The following CNPY1 variants were observed in gnomAD, a reference collection of about 807,000 sequenced individuals.
CNPY1 encodes canopy FGF signaling regulator 1.
In CNPY1, 14 loss-of-function variants were observed where a neutral mutation model predicts 14.4. The ratio of observed to expected loss-of-function variants is 0.97; its 90% CI spans 0.64 to 1.52. The LOEUF (loss-of-function observed/expected upper bound fraction) is 1.52, where lower values mean the gene tolerates loss of function less well. Ranked by LOEUF, CNPY1 falls within the 40% of genes most tolerant of loss-of-function variation. The pLI, the probability that CNPY1 is intolerant of heterozygous loss-of-function variation, is 0.00. For synonymous variants in CNPY1, 43 were observed against 46.5 expected (o/e 0.92, Z 0.31); for missense variants, 129 against 131.5 (o/e 0.98, Z 0.09).
chr7:155,525,460 C>G (rs958920441), intron 2 of CNPY1, among the ~76,000 whole-genome samples: 4 of 142,814 alleles, frequency 2.8e-5, no homozygotes, highest in African/African-American at 9.7e-5. Context: ...TGAGCCACCA[C>G]ACCCAGCTCA....
intron 2 of CNPY1, 124 bp downstream of exon 2, chr7:155,545,707 T>G (rs1797149637): frequency 2.5e-6 from 1 of 393,396 alleles, no homozygotes; most frequent in South Asian, 1.4e-4. Flanking sequence ...TCAGAAGCAA[T>G]TTAGAGCTGA....
chr7:155,533,320 G>A (rs1173843575), intron 2 of CNPY1, among the ~76,000 whole-genome samples: 1 of 152,200 alleles, frequency 6.6e-6, no homozygotes, highest in African/African-American at 2.4e-5. Context: ...CGGATGTGCC[G>A]GCTCGGAACA....
chr7:155,522,721 C>T (rs977667770), intron 2 of CNPY1, among the ~76,000 whole-genome samples: 1 of 152,244 alleles, frequency 6.6e-6, no homozygotes, highest in Non-Finnish European at 1.5e-5. Context: ...TCTACACCAC[C>T]ATGCACACTC....
intron 3 of CNPY1, 24 bp from the exon 4 acceptor site, chr7:155,507,140 A>C: frequency 1.4e-6 from 2 of 1,411,478 alleles, no homozygotes; most frequent in Non-Finnish European, 2.0e-6. Context: ...ATAACAACAT[A>C]TGTGGATAGA....
chr7:155,542,763 C>T (rs1353417754), intron 2 of CNPY1, among the ~76,000 whole-genome samples: 5 of 152,240 alleles, frequency 3.3e-5, no homozygotes, highest in African/African-American at 4.8e-5. Flanking sequence ...GGCAGAGGCC[C>T]GCCTGCGGCC....
chr7:155,534,022 GGGAAA>G, intron 2 of CNPY1, among the ~76,000 whole-genome samples: 1 of 152,184 alleles, frequency 6.6e-6, no homozygotes, highest in Admixed American at 6.5e-5. Context: ...GAAGCCCGGG[GGGAAA>G]GGTCCCCCTG....
Position 155,503,051 on chromosome 7 carries a change from C to A in CNPY1, c.*17G>T. The A allele has an allele frequency of 6.2e-7, 1 of 1,608,172 alleles. No individual in the cohort carries two copies. The highest frequency in any genetic ancestry group is 2.2e-5 in the East Asian group (1 of 44,814). The stretch of plus-strand genomic sequence containing the variant: ...GGTGTGACTTTACTCCTCTCTACGA[C>A]CAGCAGAACGGCACTCCTAGAGCTC... On this transcript the variant is annotated 3_prime_UTR_variant, in exon 5 of 5. Coordinates refer to ENST00000636446, the MANE Select transcript of CNPY1 (RefSeq NM_001393663.1).
At chr7:155,533,221 G>A (rs574131868) in intron 2 of CNPY1, among the ~76,000 whole-genome samples, 2 of 152,314 alleles carry the variant, frequency 1.3e-5, no homozygotes, top group Non-Finnish European at 2.9e-5. Context: ...CCCACTCCGC[G>A]CCCGACGGGA....
intron 2 of CNPY1, among the ~76,000 whole-genome samples, chr7:155,523,338 T>C (rs1287013225): frequency 1.3e-5 from 2 of 152,184 alleles, no homozygotes; most frequent in African/African-American, 2.4e-5. Flanking sequence ...CATTCAGCCA[T>C]GCACGGGTCG....
intron 2 of CNPY1, among the ~76,000 whole-genome samples, chr7:155,514,763 G>A (rs1012995506): frequency 2.0e-5 from 3 of 152,034 alleles, no homozygotes; most frequent in African/African-American, 7.2e-5. Flanking sequence ...GTGTGGTGGT[G>A]CATGCCTGTC....
rs1319845463 is a variant in CNPY1 at position 155,502,302 on chromosome 7, A to G, written c.*766T>C. On this transcript the variant is annotated 3_prime_UTR_variant, in exon 5 of 5. Coordinates refer to ENST00000636446, the MANE Select transcript of CNPY1 (RefSeq NM_001393663.1). ...ACACTAAATGTGAGCCAAAAAAAAAACGTTTAGAAGAAAAACAAACAAGCC... is the reference window on the plus strand; with the variant it reads ...ACACTAAATGTGAGCCAAAAAAAAAGCGTTTAGAAGAAAAACAAACAAGCC... The G allele has an allele frequency of 6.7e-6, 1 of 148,244 alleles. No homozygotes were observed. Among genetic ancestry groups the G allele is most frequent in the Non-Finnish European group, 1.5e-5 (1 of 66,942 alleles). 9.2% of individuals were successfully genotyped at this position (148,244 alleles called of 1,614,324 possible). A position where few individuals can be genotyped will look rare whatever the true frequency, so the allele number is the denominator to read the frequency against.
At position 155,502,964 on chromosome 7, in the gene CNPY1, G is replaced by A. The variant is rs1260719990; in HGVS notation, c.*104C>T. On this transcript the variant is annotated 3_prime_UTR_variant, in exon 5 of 5. Coordinates refer to ENST00000636446, the MANE Select transcript of CNPY1 (RefSeq NM_001393663.1). ...GGAGACAAACACGGTATAAACAAGA[G>A]ACAAAATTTTTCTTATCATGAAAGA... 4 of 1,028,436 alleles carry A rather than the reference G, an allele frequency of 3.9e-6. No homozygotes were observed. Among genetic ancestry groups the A allele is most frequent in the Non-Finnish European group, 5.8e-6 (4 of 688,168 alleles). The allele number at this position is 1,028,436 out of a possible 1,614,324, so 63.7% of individuals were successfully genotyped here. A position where few individuals can be genotyped will look rare whatever the true frequency, so the allele number is the denominator to read the frequency against.
chr7:155,513,083 G>A (rs1352790407), intron 2 of CNPY1, among the ~76,000 whole-genome samples: 3 of 152,182 alleles, frequency 2.0e-5, no homozygotes, highest in Non-Finnish European at 4.4e-5. Flanking sequence ...AAGCTGATGA[G>A]ATATATAATT....
At chr7:155,527,057 T>TC (rs1554449558) in intron 2 of CNPY1, among the ~76,000 whole-genome samples, 22,707 of 87,578 alleles carry the variant, frequency 0.26, 2,061 homozygotes, top group Middle Eastern at 0.33. Context: ...TTTCTTTCTT[T>TC]TTTTTTTTTT....
rs139306089 is a variant in CNPY1 at position 155,539,413 on chromosome 7, G to A, written c.99+6418C>T. ...TCTACATTCTTGTATGCCACTACAC[G>A]GATTTCATGGCCCTCTAGCGAGTAG... On this transcript the variant is annotated intron_variant, in intron 2 of 4. Coordinates refer to ENST00000636446, the MANE Select transcript of CNPY1 (RefSeq NM_001393663.1). Among the ~76,000 whole-genome samples, 518 of 152,178 alleles carry A rather than the reference G, an allele frequency of 3.4e-3. 1 individual carries two copies. The highest frequency in any genetic ancestry group is 6.8e-3 in the Middle Eastern group (2 of 294).
At chr7:155,534,571 G>C (rs1450324985) in intron 2 of CNPY1, among the ~76,000 whole-genome samples, 3 of 152,252 alleles carry the variant, frequency 2.0e-5, no homozygotes, top group African/African-American at 7.2e-5. Context: ...ATCAGCTGCA[G>C]GGGCTGAGGT....
chr7:155,538,004 C>A (rs1304690227), intron 2 of CNPY1, among the ~76,000 whole-genome samples: 1 of 152,196 alleles, frequency 6.6e-6, no homozygotes, highest in Admixed American at 6.5e-5. Context: ...TTTCCTGAGG[C>A]TCCCTCCTGC....
rs941136010 is a variant in CNPY1 at position 155,501,815 on chromosome 7, A to C, written c.*1253T>G. 2 of 152,148 alleles carry C rather than the reference A, an allele frequency of 1.3e-5. No homozygotes were observed. The highest frequency in any genetic ancestry group is 2.4e-5 in the African/African-American group (1 of 41,418). The allele number at this position is 152,148 out of a possible 1,614,324, so 9.4% of individuals were successfully genotyped here. A position where few individuals can be genotyped will look rare whatever the true frequency, so the allele number is the denominator to read the frequency against. ...GCACCCAAGTAATTAAGTGACATTA[A>C]CTCACTAACTTTTAATCAGAGTTTA... is the stretch of plus-strand genomic sequence containing the variant. On this transcript the variant is annotated 3_prime_UTR_variant, in exon 5 of 5. Coordinates refer to ENST00000636446, the MANE Select transcript of CNPY1 (RefSeq NM_001393663.1).
chr7:155,534,584 C>T (rs529884007), intron 2 of CNPY1, among the ~76,000 whole-genome samples: 74 of 152,344 alleles, frequency 4.9e-4, no homozygotes, highest in African/African-American at 1.6e-3. Flanking sequence ...GCTGAGGTCT[C>T]AGCCTGCTCC....
Sources: gnomAD v4.1 joint callset for allele counts (sites outside exome capture counted in the v4.1 genomes callset) on GRCh38, gnomAD v4.1.1 for gene constraint, MANE v1.5 for transcripts, NCBI Gene and HGNC (gene_info 2026-07-23, HGNC 2026-07-21) for gene names.